The following OSBPL3 variants were observed in gnomAD, a reference collection of about 807,000 sequenced individuals.
OSBPL3 encodes the protein oxysterol binding protein like 3.
In OSBPL3, 65 loss-of-function variants were observed where a neutral mutation model predicts 120.1. The observed-to-expected ratio is 0.54, with a 90% CI of 0.44 to 0.67. The LOEUF (loss-of-function observed/expected upper bound fraction) is 0.67, where lower values mean the gene tolerates loss of function less well. OSBPL3 is among the 30% of genes least tolerant of loss of function. OSBPL3 has a pLI of 0.00. For synonymous variants in OSBPL3, 416 were observed against 402.6 expected, an observed-to-expected ratio of 1.03 and a Z score of -0.40; for missense variants, 1,004 against 1,082.1, an observed-to-expected ratio of 0.93 and a Z score of 1.01.
intron 1 of OSBPL3, among the ~76,000 whole-genome samples, chr7:24,944,014 A>G (rs1327541365): frequency 3.3e-5 from 5 of 151,728 alleles, no homozygotes; most frequent in Admixed American, 6.6e-5. Flanking sequence ...TAAGTAGTCA[A>G]TAATTTCCTT....
Position 24,865,985 on chromosome 7 carries a change from T to G in OSBPL3, c.549+85A>C. The G allele has an allele frequency of 1.5e-5, 17 of 1,139,958 alleles. No homozygotes were observed. The South Asian group carries it at 2.3e-4, about 15-fold the overall frequency. 70.6% of individuals were successfully genotyped at this position (1,139,958 alleles called of 1,614,324 possible). The stretch of plus-strand genomic sequence containing the variant: ...CCTGCTTGTCCCCGAAAACTTTTCC[T>G]TCTTCGGACTCAGCTCCCAAGACAG... On this transcript the variant is annotated intron_variant, in intron 6 of 22. Coordinates refer to ENST00000313367, the MANE Select transcript of OSBPL3 (RefSeq NM_015550.4).
chr7:24,840,709 AT>A lies in OSBPL3; in HGVS notation c.1475del (p.Asp492ValfsTer41). On this transcript the variant is annotated frameshift_variant, in exon 14 of 23. Coordinates refer to ENST00000313367, the MANE Select transcript of OSBPL3 (RefSeq NM_015550.4). LOFTEE classifies it high-confidence loss of function. ...TCTTACCCAAGGTCTGTCTCTCATT[AT>A]CTAAATCATTACTGAGATTATCTAA... ...LSLDNLSNDL[D>X]NERQTLGPVL... The A allele has an allele frequency of 7.0e-7, 1 of 1,433,974 alleles. No individual in the cohort carries two copies. The highest frequency in any genetic ancestry group is 2.1e-5 in the Admixed American group (1 of 48,776). The allele number at this position is 1,433,974 out of a possible 1,614,324, so 88.8% of individuals were successfully genotyped here. A position where few individuals can be genotyped will look rare whatever the true frequency, so the allele number is the denominator to read the frequency against.
chr7:24,866,915 C>T (rs903512149), intron 5 of OSBPL3, among the ~76,000 whole-genome samples: 4 of 152,194 alleles, frequency 2.6e-5, no homozygotes, highest in African/African-American at 4.8e-5. Flanking sequence ...GATCTCTTGC[C>T]TCAACCTCCC....
In OSBPL3 at chr7:24,871,664, TA is replaced by T; in HGVS notation, c.267+77del. Reference sequence around the variant, plus strand: ...TTCCGAGAAAAGCTATCCTCAACTATACACACTCTCATCTCTGAGCTGATGG... The same window carrying T: ...TTCCGAGAAAAGCTATCCTCAACTATCACACTCTCATCTCTGAGCTGATGG... On this transcript the variant is annotated intron_variant, in intron 4 of 22. Coordinates refer to ENST00000313367, the MANE Select transcript of OSBPL3 (RefSeq NM_015550.4). The surrounding 1 kb of genome is among the most constrained non-coding windows in gnomAD (Gnocchi z 4.8). The T allele has an allele frequency of 9.5e-7, 1 of 1,047,678 alleles. No homozygotes were observed. The highest frequency in any genetic ancestry group is 1.5e-6 in the Non-Finnish European group (1 of 676,912). 64.9% of individuals were successfully genotyped at this position (1,047,678 alleles called of 1,614,324 possible). A position where few individuals can be genotyped will look rare whatever the true frequency, so the allele number is the denominator to read the frequency against.
chr7:24,821,444 G>C lies in OSBPL3; in HGVS notation c.1885-1206C>G, dbSNP rs551861995. On this transcript the variant is annotated intron_variant, in intron 16 of 22. Transcript: ENST00000313367. This position sits in a 1 kb window ranked among gnomAD's most constrained non-coding sequence, Gnocchi z 5.5. ...AGATAAACAGGTGGGGAGGAAGGGA[G>C]GGCAGTGGGTGACAAATCCACAGCT... 6.6e-6 allele frequency among the ~76,000 whole-genome samples: 1 copy of C among 152,200 alleles called. No individual in the cohort carries two copies. The highest frequency in any genetic ancestry group is 6.5e-5 in the Admixed American group (1 of 15,282).
At chr7:24,868,414 T>C (rs923474953) in intron 5 of OSBPL3, among the ~76,000 whole-genome samples, 4 of 150,268 alleles carry the variant, frequency 2.7e-5, no homozygotes, top group East Asian at 2.0e-4. Context: ...AAAAAAATGA[T>C]AGATAAATGA....
At chr7:24,929,993 T>C (rs779342485) in intron 1 of OSBPL3, among the ~76,000 whole-genome samples, 9 of 152,182 alleles carry the variant, frequency 5.9e-5, no homozygotes, top group Non-Finnish European at 1.2e-4. Flanking sequence ...TTCACCTCTC[T>C]GGGTTCTCAT....
chr7:24,820,879 T>C lies in OSBPL3; in HGVS notation c.1885-641A>G, dbSNP rs1795046216. Among the ~76,000 whole-genome samples, 1 of 152,180 alleles carries C rather than the reference T, an allele frequency of 6.6e-6. No individual in the cohort carries two copies. The highest frequency in any genetic ancestry group is 1.5e-5 in the Non-Finnish European group (1 of 68,036). On this transcript the variant is annotated intron_variant, in intron 16 of 22. Transcript: ENST00000313367. The surrounding 1 kb of genome is among the most constrained non-coding windows in gnomAD (Gnocchi z 4.6). ...GTTAGTCAACTGTTAAGAAATTTTATTTATTTTTGGTCTAATAAAACTATC... is the reference window on the plus strand; with the variant it reads ...GTTAGTCAACTGTTAAGAAATTTTACTTATTTTTGGTCTAATAAAACTATC...
chr7:24,948,781 A>AG (rs1736318812), intron 1 of OSBPL3, among the ~76,000 whole-genome samples: 1 of 152,178 alleles, frequency 6.6e-6, no homozygotes, highest in South Asian at 2.1e-4. Flanking sequence ...CTTAACTGAG[A>AG]GGGTAGATGG....
rs1333789090 is a variant in OSBPL3 at position 24,959,293 on chromosome 7, C to T, written c.-150+20593G>A. ...ATGTACGAGAATATTCACAGCAGCACTAATCATAAAAACCCCAAACAGAAA... is the reference window on the plus strand; with the variant it reads ...ATGTACGAGAATATTCACAGCAGCATTAATCATAAAAACCCCAAACAGAAA... On this transcript the variant is annotated intron_variant, in intron 1 of 22. Transcript: ENST00000313367. The surrounding 1 kb of genome is among the most constrained non-coding windows in gnomAD (Gnocchi z 4.3). 6.6e-6 allele frequency among the ~76,000 whole-genome samples: 1 copy of T among 151,986 alleles called. No individual in the cohort carries two copies. Among genetic ancestry groups the T allele is most frequent in the East Asian group, 1.9e-4 (1 of 5,174 alleles).
intron 1 of OSBPL3, among the ~76,000 whole-genome samples, chr7:24,935,817 G>C (rs575741615): frequency 2.0e-5 from 3 of 151,212 alleles, no homozygotes; most frequent in Non-Finnish European, 4.4e-5. Flanking sequence ...AGTATGAGTT[G>C]CTTTAATAAA....
intron 12 of OSBPL3, among the ~76,000 whole-genome samples, chr7:24,846,304 G>T (rs1331673577): frequency 4.6e-5 from 7 of 152,190 alleles, no homozygotes; most frequent in Admixed American, 6.5e-5. Context: ...TTAAATCTCA[G>T]CTCTGTCTAT....
chr7:24,860,190 C>T (rs1335433625), intron 10 of OSBPL3, among the ~76,000 whole-genome samples: 2 of 152,180 alleles, frequency 1.3e-5, no homozygotes, highest in African/African-American at 4.8e-5. Context: ...AATCAGGATA[C>T]AGAATTTTTC....
chr7:24,884,026 ATAGT>A (rs1433920965), intron 2 of OSBPL3, among the ~76,000 whole-genome samples: 2 of 152,168 alleles, frequency 1.3e-5, no homozygotes, highest in African/African-American at 4.8e-5. Context: ...TAAGAACTAT[ATAGT>A]TAATTATTTT....
chr7:24,885,095 A>C (rs528667659), intron 2 of OSBPL3, among the ~76,000 whole-genome samples: 1 of 151,740 alleles, frequency 6.6e-6, no homozygotes, highest in Non-Finnish European at 1.5e-5. Context: ...ACAGGTGCAC[A>C]CCTGTAGTCC....
At chr7:24,812,380 G>T (rs1052901694) in intron 19 of OSBPL3, among the ~76,000 whole-genome samples, 4 of 151,860 alleles carry the variant, frequency 2.6e-5, no homozygotes, top group Non-Finnish European at 4.4e-5. Flanking sequence ...GAGTAGTGTG[G>T]GTATTCTCAC....
Position 24,871,278 on chromosome 7 carries a change from G to T in OSBPL3, c.268-433C>A, listed in dbSNP as rs572374390. On this transcript the variant is annotated intron_variant, in intron 4 of 22. Coordinates refer to ENST00000313367, the MANE Select transcript of OSBPL3 (RefSeq NM_015550.4). The surrounding 1 kb of genome is among the most constrained non-coding windows in gnomAD (Gnocchi z 4.8). ...AGGCTGAGAGAGGACAGGAGAGGAA[G>T]AAGGGAGAAGAGTAGGACTCCTACA... Among the ~76,000 whole-genome samples the T allele has an allele frequency of 6.6e-6, 1 of 152,330 alleles. No homozygotes were observed. Among genetic ancestry groups the T allele is most frequent in the East Asian group, 1.9e-4 (1 of 5,186 alleles).
Position 24,872,136 on chromosome 7 carries a change from T to C in OSBPL3, c.97-67A>G. On this transcript the variant is annotated intron_variant, in intron 2 of 22. Coordinates refer to ENST00000313367, the MANE Select transcript of OSBPL3 (RefSeq NM_015550.4). This position sits in a 1 kb window ranked among gnomAD's most constrained non-coding sequence, Gnocchi z 4.1. Reference sequence around the variant, plus strand: ...GAAAAATAATAATGGTAAAAAGCACTGCATCCTGTCAGTAAATTTATTCAA... The same window carrying C: ...GAAAAATAATAATGGTAAAAAGCACCGCATCCTGTCAGTAAATTTATTCAA... 9.1e-7 allele frequency: 1 copy of C among 1,095,496 alleles called. No individual in the cohort carries two copies. The highest frequency in any genetic ancestry group is 1.3e-5 in the South Asian group (1 of 78,422). 67.9% of individuals were successfully genotyped at this position (1,095,496 alleles called of 1,614,324 possible).
At position 24,834,501 on chromosome 7, in the gene OSBPL3, G is replaced by A; in HGVS notation, c.1731C>T (p.Ser577=). Residue 577 remains serine (S), a synonymous_variant, in exon 15 of 23, where the codon AGC becomes AGT. Coordinates refer to ENST00000313367, the MANE Select transcript of OSBPL3 (RefSeq NM_015550.4). This position sits in a 1 kb window ranked among gnomAD's most constrained non-coding sequence, Gnocchi z 5.2. ...ELLDKAAQIP[S]PLERMVYVAA... ...GACTCCTCACCATCCTTTCCAGGGG[G>A]CTGGGAATCTGCGCGGCCTTGTCCA... is the stretch of plus-strand genomic sequence containing the variant. 5.0e-6 allele frequency: 8 copies of A among 1,611,438 alleles called. No homozygotes were observed. The highest frequency in any genetic ancestry group is 5.9e-6 in the Non-Finnish European group (7 of 1,178,344).
Sources: gnomAD v4.1 joint callset for allele counts (sites outside exome capture counted in the v4.1 genomes callset) on GRCh38, gnomAD v4.1.1 for gene constraint, Gnocchi (gnomAD v3.1) non-coding constraint, MANE v1.5 for transcripts, NCBI Gene and HGNC (gene_info 2026-07-23, HGNC 2026-07-21) for gene names.